The following NUP214 variants were observed in gnomAD, a reference collection of about 807,000 sequenced individuals.
NUP214 encodes nuclear pore complex protein Nup214.
In NUP214, 79 loss-of-function variants were observed where a neutral mutation model predicts 196.2. That is an observed-to-expected ratio of 0.40 (90% confidence interval 0.34 to 0.49). The LOEUF is 0.49. NUP214 is among the 20% of genes least tolerant of loss of function. The pLI is 0.58. For missense variants in NUP214, 2,468 were observed against 2,539.0 expected (o/e 0.97, Z 0.60); for synonymous variants, 1,020 against 990.5 (o/e 1.03, Z -0.56).
intron 29 of NUP214, 62 bp downstream of exon 29, chr9:131,199,077 G>A (rs540149966): frequency 1.3e-4 from 192 of 1,512,500 alleles, no homozygotes; most frequent in Middle Eastern, 2.3e-4. Flanking sequence ...ATTAGCAACA[G>A]ACCCCTATTA....
At chr9:131,145,521 A>G (rs1296080301) in intron 12 of NUP214, among the ~76,000 whole-genome samples, 1 of 152,196 alleles carries the variant, frequency 6.6e-6, no homozygotes, top group East Asian at 1.9e-4. Flanking sequence ...CTGAATTGGC[A>G]CACATCCACT....
At chr9:131,197,083 T>C in intron 28 of NUP214, 133 bp from the exon 29 acceptor site, 5 of 1,222,440 alleles carry the variant, frequency 4.1e-6, no homozygotes, top group Non-Finnish European at 5.7e-6. Flanking sequence ...TAGAGAAAGC[T>C]GCTGTGAGAA....
chr9:131,163,035 C>T lies in NUP214; in HGVS notation c.2585C>T (p.Ala862Val). Residue 862 changes from alanine (A) to valine (V), a missense_variant, in exon 19 of 36, where the codon GCC becomes GTC. By Grantham distance (64) the Ala-to-Val change is moderately conservative. Transcript: ENST00000359428. ...CGAGAGACACTGTTTAACACCCTAGCCAACAATCGGGAAATCATCAACCAA... is the reference window on the plus strand; with the variant it reads ...CGAGAGACACTGTTTAACACCCTAGTCAACAATCGGGAAATCATCAACCAA... ...PERETLFNTL[A>V]NNREIINQQR... The T allele has an allele frequency of 2.5e-6, 4 of 1,614,174 alleles. No individual in the cohort carries two copies. Among genetic ancestry groups the T allele is most frequent in the Non-Finnish European group, 3.4e-6 (4 of 1,180,034 alleles).
At chr9:131,229,007 C>T (rs1006886632) in intron 33 of NUP214, 6 of 152,156 alleles carry the variant, frequency 3.9e-5, no homozygotes, top group Non-Finnish European at 5.9e-5. Context: ...AAAATGTACA[C>T]GGGATGACTA....
intron 21 of NUP214, chr9:131,164,480 C>T (rs1832728150): frequency 4.9e-6 from 1 of 204,786 alleles, no homozygotes; most frequent in South Asian, 1.5e-4. Flanking sequence ...TCTGCTTTAG[C>T]CAGAGAAGGT....
chr9:131,229,927 C>T (rs1182078798), intron 33 of NUP214: 1 of 367,582 alleles, frequency 2.7e-6, no homozygotes, highest in Non-Finnish European at 5.3e-6. Context: ...ACCACTGATC[C>T]GTTTCCCTCA....
At chr9:131,218,231 A>G (rs924750283) in intron 31 of NUP214, among the ~76,000 whole-genome samples, 6 of 152,298 alleles carry the variant, frequency 3.9e-5, no homozygotes, top group South Asian at 2.1e-4. Flanking sequence ...TTTTATTTCA[A>G]TAGTTTTTGG....
At chr9:131,167,191 A>G (rs1433709821) in intron 21 of NUP214, 1 of 152,082 alleles carries the variant, frequency 6.6e-6, no homozygotes. Flanking sequence ...ATGTAAGCAT[A>G]CCTCCCAAAA....
At chr9:131,182,063 T>C (rs1833294868) in intron 24 of NUP214, among the ~76,000 whole-genome samples, 1 of 152,240 alleles carries the variant, frequency 6.6e-6, no homozygotes, top group African/African-American at 2.4e-5. Context: ...AACATATCTT[T>C]TCCATCCTTT....
At chr9:131,170,592 T>C (rs76711366) in intron 21 of NUP214, among the ~76,000 whole-genome samples, 6,145 of 152,274 alleles carry the variant, frequency 0.04, 163 homozygotes, top group African/African-American at 0.077. Context: ...AGATTTTTTT[T>C]CCTTAAATTT....
intron 17 of NUP214, among the ~76,000 whole-genome samples, chr9:131,155,686 C>T (rs558881971): frequency 2.2e-4 from 34 of 152,294 alleles, no homozygotes; most frequent in African/African-American, 7.9e-4. Flanking sequence ...CAGTTTCATT[C>T]TTTTACATGT....
At chr9:131,182,670 C>T (rs1208018700) in intron 24 of NUP214, among the ~76,000 whole-genome samples, 2 of 152,062 alleles carry the variant, frequency 1.3e-5, no homozygotes, top group African/African-American at 2.4e-5. Flanking sequence ...TAATCTTGAC[C>T]ATCTGTGACT....
At position 131,230,689 on chromosome 9, in the gene NUP214, C is replaced by CT. The variant is rs1370271945; in HGVS notation, c.6137dup (p.Gly2047ArgfsTer15). ...ACGCTCGCGAGTCAGAATGCCCCCA[C>CT]TTTCGGATCACTGTCCCAACAGACT... On this transcript the variant is annotated frameshift_variant, in exon 34 of 36. Transcript: ENST00000359428. LOFTEE classifies it high-confidence loss of function. 4 of 1,614,164 alleles carry CT rather than the reference C, an allele frequency of 2.5e-6. No individual in the cohort carries two copies. The highest frequency in any genetic ancestry group is 3.4e-6 in the Non-Finnish European group (4 of 1,180,026).
At position 131,215,343 on chromosome 9, in the gene NUP214, G is replaced by A. The variant is rs1276393078; in HGVS notation, c.5724G>A (p.Gly1908=). ...ANKNPFSSAS[G]GFGSTATSNT... is the part of the protein sequence containing the mutation. Reference sequence around the variant, plus strand: ...AAAACCCATTCAGCTCGGCCAGTGGGGGCTTTGGATCCACAGCTACCTCAA... The same window carrying A: ...AAAACCCATTCAGCTCGGCCAGTGGAGGCTTTGGATCCACAGCTACCTCAA... Residue 1908 remains glycine (G), a synonymous_variant, in exon 31 of 36, where the codon GGG becomes GGA. Coordinates refer to ENST00000359428, the MANE Select transcript of NUP214 (RefSeq NM_005085.4). 3 of 1,600,396 alleles carry A rather than the reference G, an allele frequency of 1.9e-6. No homozygotes were observed. The highest frequency in any genetic ancestry group is 1.7e-6 in the Non-Finnish European group (2 of 1,173,516).
intron 17 of NUP214, among the ~76,000 whole-genome samples, chr9:131,152,360 GTCC>G (rs1832297815): frequency 6.6e-6 from 1 of 152,094 alleles, no homozygotes; most frequent in Non-Finnish European, 1.5e-5. Context: ...GGGTCAAGCA[GTCC>G]TCCTGCCTTG....
Position 131,130,625 on chromosome 9 carries a change from T to C in NUP214, c.593-141T>C, listed in dbSNP as rs1831519349. The C allele has an allele frequency of 4.1e-6, 3 of 725,566 alleles. No individual in the cohort carries two copies. The African/African-American group carries it at 5.3e-5, about 13-fold the overall frequency. The allele number at this position is 725,566 out of a possible 1,614,324, so 44.9% of individuals were successfully genotyped here. ...TATCGTTAAAATGATTTTACTTTTT[T>C]CCACTTTGCCTGATAGAGATGATCC... On this transcript the variant is annotated intron_variant, in intron 4 of 35. Coordinates refer to ENST00000359428, the MANE Select transcript of NUP214 (RefSeq NM_005085.4).
In NUP214 at chr9:131,134,786, T is replaced by C. The variant is rs931422563; in HGVS notation, c.832-112T>C. 1.3e-5 allele frequency: 9 copies of C among 700,750 alleles called. No homozygotes were observed. The East Asian group carries it at 2.1e-4, about 17-fold the overall frequency. The allele number at this position is 700,750 out of a possible 1,614,324, so 43.4% of individuals were successfully genotyped here. On this transcript the variant is annotated intron_variant, in intron 7 of 35. Transcript: ENST00000359428. ...ATACCATGTCCGTATATCTGGACTTTGAGTAAATATTCTCATATAACTTTA... is the reference window on the plus strand; with the variant it reads ...ATACCATGTCCGTATATCTGGACTTCGAGTAAATATTCTCATATAACTTTA...
At position 131,215,291 on chromosome 9, in the gene NUP214, G is replaced by A; in HGVS notation, c.5672G>A (p.Gly1891Glu). The change falls in exon 31 of 36, where the codon GGA (glycine) becomes GAA (glutamate). Residue 1891 changes from glycine (G) to glutamate (E), a missense_variant. Transcript: ENST00000359428. ...GGAGGTTTCTTCAGTGGCCTTGGAG[G>A]AAAACCCAGTCAGGATGCAGCCAAC... ...RGGGFFSGLG[G>E]KPSQDAANKN... The A allele has an allele frequency of 6.2e-7, 1 of 1,610,336 alleles. No homozygotes were observed. Among genetic ancestry groups the A allele is most frequent in the Non-Finnish European group, 8.5e-7 (1 of 1,178,260 alleles).
At chr9:131,184,915 G>A (rs1253072407) in intron 24 of NUP214, among the ~76,000 whole-genome samples, 1 of 152,076 alleles carries the variant, frequency 6.6e-6, no homozygotes, top group East Asian at 1.9e-4. Flanking sequence ...CTTTTTCCCT[G>A]TTGATTTCTT....
Sources: gnomAD v4.1 joint callset for allele counts (sites outside exome capture counted in the v4.1 genomes callset) on GRCh38, gnomAD v4.1.1 for gene constraint, MANE v1.5 for transcripts, NCBI Gene and HGNC (gene_info 2026-07-23, HGNC 2026-07-21) for gene names.